Variants in SLC24A3 observed in about 807,000 individuals in gnomAD.
SLC24A3 encodes the protein sodium/potassium/calcium exchanger 3.
SLC24A3 carries 28 observed loss-of-function variants against 75.8 expected under a neutral mutation model. That is an observed-to-expected ratio of 0.37 (90% CI 0.27 to 0.51). The LOEUF is 0.51. Among genes scored for constraint, SLC24A3 ranks in the 20% least tolerant of loss-of-function variants. The probability of loss-of-function intolerance (pLI) is 0.94; values close to 1 mark genes in which losing one functional copy is unlikely to be tolerated. For missense variants in SLC24A3, 663 were observed against 847.8 expected (o/e 0.78, Z 2.71); for synonymous variants, 372 against 334.1 (o/e 1.11, Z -1.24).
chr20:19,682,053 G>A, intron 10 of SLC24A3, 62 bp downstream of exon 10: 3 of 1,555,436 alleles, frequency 1.9e-6, no homozygotes, highest in Non-Finnish European at 2.6e-6. Flanking sequence ...AGGAGTTCAA[G>A]ACCAGCCTGG....
chr20:19,351,951 G>A (rs1220799704), intron 2 of SLC24A3, among the ~76,000 whole-genome samples: 3 of 152,066 alleles, frequency 2.0e-5, no homozygotes, highest in Non-Finnish European at 1.5e-5. Flanking sequence ...CATAGGTGGG[G>A]CTCCTACAAG....
chr20:19,423,282 C>T (rs1986947749), intron 2 of SLC24A3, among the ~76,000 whole-genome samples: 1 of 152,202 alleles, frequency 6.6e-6, no homozygotes, highest in East Asian at 1.9e-4. Flanking sequence ...GGGCCATCTC[C>T]CTTCCTCTAG....
At chr20:19,451,389 G>A (rs1020833884) in intron 2 of SLC24A3, among the ~76,000 whole-genome samples, 3 of 152,144 alleles carry the variant, frequency 2.0e-5, no homozygotes, top group Non-Finnish European at 2.9e-5. Flanking sequence ...CCTTGGCCCC[G>A]GTGGGCTTTC....
intron 6 of SLC24A3, among the ~76,000 whole-genome samples, chr20:19,587,684 G>T (rs2031317979): frequency 6.6e-6 from 1 of 152,122 alleles, no homozygotes; most frequent in Admixed American, 6.6e-5. Context: ...GACGGGTCTG[G>T]GTTTAAATCC....
intron 6 of SLC24A3, among the ~76,000 whole-genome samples, chr20:19,601,076 T>G (rs11906196): frequency 0.02 from 3,077 of 152,322 alleles, 110 homozygotes; most frequent in African/African-American, 0.069. Flanking sequence ...TACCTAAGTT[T>G]TCTCATCTAC....
At chr20:19,479,262 G>A (rs142652723) in intron 2 of SLC24A3, among the ~76,000 whole-genome samples, 1 of 152,302 alleles carries the variant, frequency 6.6e-6, no homozygotes, top group East Asian at 1.9e-4. Flanking sequence ...GACTGTGGGC[G>A]AGCCACAGGT....
intron 1 of SLC24A3, among the ~76,000 whole-genome samples, chr20:19,259,599 G>A (rs996427145): frequency 1.3e-5 from 2 of 152,160 alleles, no homozygotes; most frequent in South Asian, 2.1e-4. Flanking sequence ...GGAACACATC[G>A]AGCTTGACCG....
intron 6 of SLC24A3, among the ~76,000 whole-genome samples, chr20:19,603,803 CA>C (rs568344898): frequency 3.9e-5 from 6 of 152,130 alleles, no homozygotes; most frequent in Non-Finnish European, 7.3e-5. Flanking sequence ...CTGTGAGTTC[CA>C]GGGGTGACAC....
chr20:19,492,768 A>G (rs770036594), intron 2 of SLC24A3, among the ~76,000 whole-genome samples: 76 of 152,280 alleles, frequency 5.0e-4, no homozygotes, highest in African/African-American at 1.7e-3. Context: ...GGATATTTTT[A>G]TAATAATATT....
chr20:19,552,902 G>A (rs924844118), intron 3 of SLC24A3, among the ~76,000 whole-genome samples: 1 of 152,024 alleles, frequency 6.6e-6, no homozygotes, highest in Non-Finnish European at 1.5e-5. Context: ...AGGGGGCCAC[G>A]ATCTGTAAAC....
At position 19,722,775 on chromosome 20, in the gene SLC24A3, G is replaced by T. The variant is rs1172872909; in HGVS notation, c.*1635G>T. ...CGTGCCCAACTGAGGAACAGGAGAA[G>T]AAATCACCAATTTGGGCTCTCAGAG... On this transcript the variant is annotated 3_prime_UTR_variant, in exon 17 of 17. Coordinates refer to ENST00000328041, the MANE Select transcript of SLC24A3 (RefSeq NM_020689.4). The T allele has an allele frequency of 2.6e-5, 4 of 152,490 alleles. No individual in the cohort carries two copies. The highest frequency in any genetic ancestry group is 5.9e-5 in the Non-Finnish European group (4 of 68,036). 9.4% of individuals were successfully genotyped at this position (152,490 alleles called of 1,614,324 possible). A position where few individuals can be genotyped will look rare whatever the true frequency, so the allele number is the denominator to read the frequency against.
At chr20:19,480,364 T>C (rs994505865) in intron 2 of SLC24A3, among the ~76,000 whole-genome samples, 1 of 152,156 alleles carries the variant, frequency 6.6e-6, no homozygotes, top group Non-Finnish European at 1.5e-5. Flanking sequence ...CATATAAATA[T>C]CATATTCTAC....
chr20:19,663,854 T>A (rs1353017134), intron 7 of SLC24A3, among the ~76,000 whole-genome samples: 1 of 152,188 alleles, frequency 6.6e-6, no homozygotes, highest in African/African-American at 2.4e-5. Context: ...ATCATTGAAA[T>A]GATCAGTAGC....
chr20:19,675,318 T>C (rs907074678), intron 9 of SLC24A3, among the ~76,000 whole-genome samples: 1 of 152,146 alleles, frequency 6.6e-6, no homozygotes, highest in African/African-American at 2.4e-5. Flanking sequence ...TAGAAATCCA[T>C]CAACAATGGC....
At chr20:19,505,557 GACA>G (rs771352322) in intron 2 of SLC24A3, among the ~76,000 whole-genome samples, 2 of 152,144 alleles carry the variant, frequency 1.3e-5, no homozygotes, top group African/African-American at 2.4e-5. Context: ...TGGGAAGTGA[GACA>G]ACGAGACAAT....
intron 2 of SLC24A3, among the ~76,000 whole-genome samples, chr20:19,498,294 T>G (rs1036980688): frequency 6.6e-6 from 1 of 152,142 alleles, no homozygotes; most frequent in Non-Finnish European, 1.5e-5. Flanking sequence ...TAAATGTAAA[T>G]ACTTGAATCA....
chr20:19,634,529 A>G (rs2031975902), intron 6 of SLC24A3, among the ~76,000 whole-genome samples: 2 of 152,212 alleles, frequency 1.3e-5, no homozygotes, highest in South Asian at 2.1e-4. Context: ...CCAAATATCT[A>G]TCAATAGGGA....
intron 2 of SLC24A3, among the ~76,000 whole-genome samples, chr20:19,299,392 GA>G (rs1984143919): frequency 6.6e-6 from 1 of 152,076 alleles, no homozygotes; most frequent in Admixed American, 6.6e-5. Context: ...AGAATGAGAG[GA>G]AAAACATTTC....
chr20:19,547,050 C>A (rs2030611626), intron 3 of SLC24A3, among the ~76,000 whole-genome samples: 1 of 152,336 alleles, frequency 6.6e-6, no homozygotes, highest in East Asian at 1.9e-4. Context: ...CTGTGTCCTG[C>A]CTGCATGAGC....
Sources: gnomAD v4.1 joint callset for allele counts (sites outside exome capture counted in the v4.1 genomes callset) on GRCh38, gnomAD v4.1.1 for gene constraint, MANE v1.5 for transcripts, NCBI Gene and HGNC (gene_info 2026-07-23, HGNC 2026-07-21) for gene names.